ELOVL5: variants seen among roughly 807,000 people sequenced by gnomAD.
ELOVL5 encodes the protein ELOVL fatty acid elongase 5.
ELOVL5 carries 8 observed loss-of-function variants against 38.6 expected under a neutral mutation model. The observed-to-expected ratio is 0.21, with a 90% confidence interval of 0.12 to 0.37. ELOVL5 has a LOEUF of 0.37. Among genes scored for constraint, ELOVL5 ranks in the 10% least tolerant of loss-of-function variants. ELOVL5 has a pLI of 1.00. For missense variants in ELOVL5, 280 were observed against 367.8 expected (o/e 0.76, Z 1.95); for synonymous variants, 127 against 133.7 (o/e 0.95, Z 0.34).
At chr6:53,275,327 A>C in intron 4 of ELOVL5, 66 bp from the exon 5 acceptor site, 1 of 1,516,076 alleles carries the variant, frequency 6.6e-7, no homozygotes, top group Non-Finnish European at 9.1e-7. Flanking sequence ...CACCTCTGAC[A>C]TGTTTCACTA....
At chr6:53,292,999 C>G (rs1244691982) in intron 2 of ELOVL5, among the ~76,000 whole-genome samples, 4 of 152,208 alleles carry the variant, frequency 2.6e-5, no homozygotes, top group Admixed American at 6.5e-5. Flanking sequence ...GGAAACAGGT[C>G]AGCCGCCAGC....
At chr6:53,297,176 G>A (rs186842880) in intron 1 of ELOVL5, among the ~76,000 whole-genome samples, 1 of 152,256 alleles carries the variant, frequency 6.6e-6, no homozygotes, top group African/African-American at 2.4e-5. Flanking sequence ...GAAGGCACCA[G>A]CTCCCCATAC....
At chr6:53,332,126 A>G (rs894328434) in intron 1 of ELOVL5, among the ~76,000 whole-genome samples, 7 of 152,128 alleles carry the variant, frequency 4.6e-5, no homozygotes, top group African/African-American at 1.7e-4. Context: ...AGTAGGCCCC[A>G]CCTCAAACAC....
At chr6:53,270,500 AGCAAGG>A in intron 7 of ELOVL5, 87 bp downstream of exon 7, 1 of 1,419,254 alleles carries the variant, frequency 7.0e-7, no homozygotes. Context: ...CCTGTCACCC[AGCAAGG>A]GCTCCACATG....
intron 1 of ELOVL5, among the ~76,000 whole-genome samples, chr6:53,305,273 C>A (rs1458300687): frequency 7.3e-6 from 1 of 137,016 alleles, no homozygotes; most frequent in East Asian, 2.3e-4. Flanking sequence ...CCAGTAGGGG[C>A]GGCCGGGCAG....
intron 5 of ELOVL5, among the ~76,000 whole-genome samples, chr6:53,274,256 G>C (rs1561862552): frequency 6.6e-6 from 1 of 152,078 alleles, no homozygotes; most frequent in Non-Finnish European, 1.5e-5. Flanking sequence ...AGAGCAGAAA[G>C]CCCCAACTCT....
Position 53,267,602 on chromosome 6 carries a change from T to A in ELOVL5, c.*1525A>T, listed in dbSNP as rs995133186. On this transcript the variant is annotated 3_prime_UTR_variant, in exon 8 of 8. Transcript: ENST00000304434. ...CACATTCTAGGTTTGATAAGGTAAA[T>A]GTAAACAGATGCCATGACTCCTTTT... The A allele has an allele frequency of 2.0e-5, 3 of 152,600 alleles. No homozygotes were observed. The highest frequency in any genetic ancestry group is 4.4e-5 in the Non-Finnish European group (3 of 68,030). The allele number at this position is 152,600 out of a possible 1,614,324, so 9.5% of individuals were successfully genotyped here.
chr6:53,335,659 C>G (rs1769030387), intron 1 of ELOVL5, among the ~76,000 whole-genome samples: 2 of 152,190 alleles, frequency 1.3e-5, no homozygotes, highest in Admixed American at 1.3e-4. Context: ...CTGGTCTCGT[C>G]TACCACCCAT....
intron 1 of ELOVL5, among the ~76,000 whole-genome samples, chr6:53,299,668 TAC>T (rs1767167484): frequency 6.6e-6 from 1 of 152,318 alleles, no homozygotes; most frequent in Non-Finnish European, 1.5e-5. Context: ...AGAATCCTGT[TAC>T]AAGCCATCTG....
chr6:53,274,333 T>C (rs1325767759), intron 5 of ELOVL5, among the ~76,000 whole-genome samples: 1 of 152,144 alleles, frequency 6.6e-6, no homozygotes, highest in Non-Finnish European at 1.5e-5. Context: ...AGCTTTTTTT[T>C]TTTCCTAGCT....
At chr6:53,329,595 G>A (rs753018958) in intron 1 of ELOVL5, among the ~76,000 whole-genome samples, 6 of 152,108 alleles carry the variant, frequency 3.9e-5, no homozygotes, top group African/African-American at 1.2e-4. Context: ...AGGCTGAGGC[G>A]GGTGGATCAC....
At chr6:53,313,630 G>A (rs1767926453) in intron 1 of ELOVL5, among the ~76,000 whole-genome samples, 1 of 152,174 alleles carries the variant, frequency 6.6e-6, no homozygotes, top group Non-Finnish European at 1.5e-5. Flanking sequence ...CCAAAGTGCT[G>A]GGATTACAGG....
intron 3 of ELOVL5, chr6:53,290,594 A>G (rs1316151680): frequency 1.3e-5 from 2 of 152,232 alleles, no homozygotes; most frequent in Non-Finnish European, 2.9e-5. Flanking sequence ...TTGGCATGTC[A>G]AGCATAAAAG....
At chr6:53,314,715 ATAAAAT>A (rs1273088690) in intron 1 of ELOVL5, among the ~76,000 whole-genome samples, 3 of 152,194 alleles carry the variant, frequency 2.0e-5, no homozygotes, top group Non-Finnish European at 4.4e-5. Context: ...AGTGAAAAAA[ATAAAAT>A]TAAAAAGAAA....
At chr6:53,294,994 T>G (rs1766935280) in intron 2 of ELOVL5, among the ~76,000 whole-genome samples, 1 of 152,258 alleles carries the variant, frequency 6.6e-6, no homozygotes, top group Non-Finnish European at 1.5e-5. Flanking sequence ...AACCTATTAT[T>G]TCATCTCTGC....
chr6:53,302,865 T>G, intron 1 of ELOVL5, among the ~76,000 whole-genome samples: 1 of 152,170 alleles, frequency 6.6e-6, no homozygotes, highest in Non-Finnish European at 1.5e-5. Context: ...TTAGCTATTG[T>G]CTAGCTTAAC....
chr6:53,286,631 G>A (rs1476140128), intron 3 of ELOVL5, among the ~76,000 whole-genome samples: 1 of 151,902 alleles, frequency 6.6e-6, no homozygotes, highest in Non-Finnish European at 1.5e-5. Context: ...CTTATAAAAT[G>A]GTGTAATAAA....
At chr6:53,318,043 A>G (rs1221415307) in intron 1 of ELOVL5, among the ~76,000 whole-genome samples, 1 of 152,128 alleles carries the variant, frequency 6.6e-6, no homozygotes, top group African/African-American at 2.4e-5. Flanking sequence ...CCTCTCACAG[A>G]TGAGTCCACC....
At chr6:53,344,537 G>C (rs1257689714) in intron 1 of ELOVL5, among the ~76,000 whole-genome samples, 1 of 152,160 alleles carries the variant, frequency 6.6e-6, no homozygotes, top group African/African-American at 2.4e-5. Context: ...GCAGGCCAGG[G>C]TGTCAAGGTG....
Sources: allele counts gnomAD v4.1 joint callset (sites outside exome capture counted in the v4.1 genomes callset), GRCh38; gene constraint gnomAD v4.1.1; transcripts MANE v1.5; gene names NCBI Gene and HGNC (gene_info 2026-07-23, HGNC 2026-07-21).